Variants in NUP210L observed in about 807,000 individuals in gnomAD.
The protein encoded by NUP210L is nuclear pore membrane glycoprotein 210-like.
In NUP210L, 74 loss-of-function variants were observed where a neutral mutation model predicts 208.5. The ratio of observed to expected loss-of-function variants is 0.35; its 90% CI spans 0.29 to 0.43. The LOEUF is 0.43. NUP210L is among the 20% of genes least tolerant of loss of function. The pLI is 1.00. For missense variants in NUP210L, 1,843 were observed against 2,289.4 expected (o/e 0.81, Z 3.98); for synonymous variants, 780 against 816.9 (o/e 0.95, Z 0.77).
At chr1:154,003,499 C>A (rs1650334140) in intron 35 of NUP210L, among the ~76,000 whole-genome samples, 1 of 152,002 alleles carries the variant, frequency 6.6e-6, no homozygotes, top group South Asian at 2.1e-4. Flanking sequence ...AGCCACCATG[C>A]CTGGACTATT....
intron 27 of NUP210L, among the ~76,000 whole-genome samples, chr1:154,039,664 A>C (rs1652755685): frequency 6.6e-6 from 1 of 152,202 alleles, no homozygotes; most frequent in Admixed American, 6.6e-5. Flanking sequence ...TCCCACTGAG[A>C]AGTCATCTGC....
intron 37 of NUP210L, among the ~76,000 whole-genome samples, chr1:153,995,381 A>G (rs911298531): frequency 6.6e-6 from 1 of 152,218 alleles, no homozygotes; most frequent in Admixed American, 6.5e-5. Flanking sequence ...AATAGTAATA[A>G]GAGTATCTGC....
At chr1:154,084,721 C>T (rs1459079439) in intron 16 of NUP210L, among the ~76,000 whole-genome samples, 2 of 151,150 alleles carry the variant, frequency 1.3e-5, no homozygotes, top group Non-Finnish European at 2.9e-5. Context: ...GATCCACCTG[C>T]CTTGGCCTTC....
In NUP210L at chr1:154,036,313, CATGTGTGTGT is replaced by C. The variant is rs60686015; in HGVS notation, c.3697-6269_3697-6260del. ...TATTTAATGTATAGGACAGTTGGAA[CATGTGTGTGT>C]GTGTGTGTGTGTGTGTGTGTGTGTG... On this transcript the variant is annotated intron_variant, in intron 27 of 39. Coordinates refer to ENST00000368559, the Ensembl canonical transcript of NUP210L. Among the ~76,000 whole-genome samples, 699 of 104,092 alleles carry C rather than the reference CATGTGTGTGT, an allele frequency of 6.7e-3. 11 individuals carry two copies. The highest frequency in any genetic ancestry group is 0.049 in the South Asian group (153 of 3,142). 68.3% of individuals were successfully genotyped at this position (104,092 alleles called of 152,430 possible). A position where few individuals can be genotyped will look rare whatever the true frequency, so the allele number is the denominator to read the frequency against.
At chr1:154,027,710 C>T (rs922007079) in intron 28 of NUP210L, 113 bp from the exon 29 acceptor site, 37 of 640,448 alleles carry the variant, frequency 5.8e-5, no homozygotes, top group South Asian at 5.4e-4. Flanking sequence ...ATGACAACTA[C>T]GAATCAACAG....
chr1:154,137,156 C>T (rs1658591602), intron 6 of NUP210L, among the ~76,000 whole-genome samples: 1 of 152,040 alleles, frequency 6.6e-6, no homozygotes, highest in South Asian at 2.1e-4. Flanking sequence ...CAGTAGCTCA[C>T]ACCTATAATC....
chr1:154,089,561 C>T (rs778507307), exon 16 of NUP210L: 1 of 1,614,098 alleles, frequency 6.2e-7, no homozygotes, highest in East Asian at 2.2e-5. Flanking sequence ...GGGTTCAGGA[C>T]ACCTGGATGA....
chr1:154,125,575 G>C (rs1657853675), intron 10 of NUP210L, among the ~76,000 whole-genome samples: 1 of 146,106 alleles, frequency 6.8e-6, no homozygotes, highest in Admixed American at 7.1e-5. Context: ...TGAGCCATGA[G>C]TGCACCACTG....
At chr1:154,103,979 A>T in intron 13 of NUP210L, 33 bp downstream of exon 13, 1 of 1,512,846 alleles carries the variant, frequency 6.6e-7, no homozygotes, top group Non-Finnish European at 9.1e-7. Context: ...AAATAAAGAC[A>T]AAGGAAGGAG....
chr1:154,058,427 T>G lies in NUP210L; in HGVS notation c.2979+138A>C. On this transcript the variant is annotated intron_variant, in intron 21 of 39. Coordinates refer to ENST00000368559, the Ensembl canonical transcript of NUP210L. ...TGTTTAATGTTGAAATGTTGTTCTT[T>G]AAGGGCAGGTATTTCCATTAACATT... 4.4e-6 allele frequency: 5 copies of G among 1,126,526 alleles called. No homozygotes were observed. The South Asian group carries it at 7.7e-5, about 17-fold the overall frequency. 69.8% of individuals were successfully genotyped at this position (1,126,526 alleles called of 1,614,324 possible).
chr1:154,009,398 A>G (rs1650767893), intron 35 of NUP210L, among the ~76,000 whole-genome samples: 1 of 152,120 alleles, frequency 6.6e-6, no homozygotes, highest in South Asian at 2.1e-4. Flanking sequence ...AATGAGACAC[A>G]ATGCAGAGCC....
chr1:154,135,955 C>T (rs771871812), exon 7 of NUP210L: 2 of 1,604,772 alleles, frequency 1.2e-6, no homozygotes, highest in Non-Finnish European at 1.7e-6. Flanking sequence ...ATATAATGTT[C>T]CAGGGGAAAT....
intron 27 of NUP210L, among the ~76,000 whole-genome samples, chr1:154,033,010 A>AAAGAAAGAAAAAGAAGG (rs1553225046): frequency 6.6e-6 from 1 of 151,810 alleles, no homozygotes; most frequent in African/African-American, 2.4e-5. Flanking sequence ...AGAAAAAAAG[A>AAAGAAAGAAAAAGAAGG]AAGAAAGAAA....
intron 9 of NUP210L, among the ~76,000 whole-genome samples, chr1:154,126,921 A>G (rs566754998): frequency 6.6e-6 from 1 of 151,968 alleles, no homozygotes; most frequent in Non-Finnish European, 1.5e-5. Context: ...TATAATTCTG[A>G]CCAAATTATA....
chr1:154,042,576 G>A (rs1285862990), intron 27 of NUP210L, among the ~76,000 whole-genome samples: 7 of 151,918 alleles, frequency 4.6e-5, no homozygotes, highest in East Asian at 1.9e-4. Flanking sequence ...ACAGGTGCCC[G>A]CCACCATGCC....
At chr1:154,015,906 CAATAAATAAATAAATAAATAAATAAATA>C (rs71584164) in intron 33 of NUP210L, among the ~76,000 whole-genome samples, 1 of 133,924 alleles carries the variant, frequency 7.5e-6, no homozygotes, top group African/African-American at 2.8e-5. Context: ...GACCCTGTCT[CAATAAATAAATAAATAAATAAATAAATA>C]AATAAATAAA....
At chr1:154,025,488 G>T in intron 30 of NUP210L, 54 bp downstream of exon 30, 1 of 1,223,884 alleles carries the variant, frequency 8.2e-7, no homozygotes, top group Non-Finnish European at 1.1e-6. Flanking sequence ...TGCTTTTTAA[G>T]GCCAGGGTAT....
intron 35 of NUP210L, among the ~76,000 whole-genome samples, chr1:154,007,894 C>G (rs187121246): frequency 2.0e-5 from 3 of 146,422 alleles, no homozygotes; most frequent in Non-Finnish European, 4.5e-5. Context: ...ATTTTTGAGA[C>G]GGAGTCTTGC....
At chr1:154,054,530 C>A in intron 24 of NUP210L, 123 bp from the exon 25 acceptor site, 1 of 894,178 alleles carries the variant, frequency 1.1e-6, no homozygotes. Flanking sequence ...CAACATATCC[C>A]ATATCAACTC....
Sources: gnomAD v4.1 joint callset for allele counts (sites outside exome capture counted in the v4.1 genomes callset) on GRCh38, gnomAD v4.1.1 for gene constraint, MANE v1.5 for transcripts, NCBI Gene and HGNC (gene_info 2026-07-23, HGNC 2026-07-21) for gene names.